Variants in KCTD8 observed in about 807,000 individuals in gnomAD.
The protein encoded by KCTD8 is BTB/POZ domain-containing protein KCTD8.
A neutral mutation model predicts 31.5 loss-of-function variants in KCTD8; 27 were observed. The observed-to-expected ratio is 0.86, with a 90% CI of 0.63 to 1.18. The LOEUF is 1.18. KCTD8 is among the 50% of genes most tolerant of loss of function. The probability of loss-of-function intolerance (pLI) is 0.00; values close to 1 mark genes in which losing one functional copy is unlikely to be tolerated. For missense variants in KCTD8, 658 were observed against 647.7 expected (o/e 1.02, Z -0.17); for synonymous variants, 290 against 280.0 (o/e 1.04, Z -0.36).
chr4:44,272,624 G>T (rs1450107506), intron 1 of KCTD8, among the ~76,000 whole-genome samples: 1 of 152,054 alleles, frequency 6.6e-6, no homozygotes, highest in Non-Finnish European at 1.5e-5. Context: ...CGTGGAGTAG[G>T]TGCATGTAGA....
rs898141232 is a variant in KCTD8, at chr4:44,383,718, G to GA, written c.961+63844dup. ...TAAGACCTGAACTATGAAACTACTG[G>GA]AAAAAAACACACACACACAAAGAAA... On this transcript the variant is annotated intron_variant, in intron 1 of 1. Transcript: ENST00000360029. 2.6e-5 allele frequency among the ~76,000 whole-genome samples: 4 copies of GA among 151,664 alleles called. No individual in the cohort carries two copies. In the East Asian group the frequency reaches 7.8e-4, roughly 29 times the overall value.
chr4:44,314,630 C>T (rs543885401), intron 1 of KCTD8, among the ~76,000 whole-genome samples: 3 of 152,104 alleles, frequency 2.0e-5, no homozygotes, highest in Admixed American at 6.6e-5. Context: ...TGGACATTTT[C>T]TATGCATATA....
intron 1 of KCTD8, among the ~76,000 whole-genome samples, chr4:44,267,584 C>T (rs922126284): frequency 6.6e-6 from 1 of 151,876 alleles, no homozygotes; most frequent in South Asian, 2.1e-4. Flanking sequence ...TAAAAACCCT[C>T]AAAAAATTAA....
chr4:44,215,574 G>A (rs1714623786), intron 1 of KCTD8, among the ~76,000 whole-genome samples: 1 of 152,082 alleles, frequency 6.6e-6, no homozygotes, highest in African/African-American at 2.4e-5. Flanking sequence ...TTAATTAGGA[G>A]GTCAATAAGT....
chr4:44,276,539 A>C (rs1201733350), intron 1 of KCTD8, among the ~76,000 whole-genome samples: 1 of 151,980 alleles, frequency 6.6e-6, no homozygotes, highest in Middle Eastern at 3.2e-3. Flanking sequence ...TAAACAGTAG[A>C]TTCCAAATAA....
chr4:44,267,570 C>T (rs1716424776), intron 1 of KCTD8, among the ~76,000 whole-genome samples: 1 of 151,896 alleles, frequency 6.6e-6, no homozygotes, highest in Non-Finnish European at 1.5e-5. Context: ...GAAATAGAGA[C>T]AAATAAAAAC....
In KCTD8 at chr4:44,204,046, G is replaced by A. The variant is rs565888588; in HGVS notation, c.962-28796C>T. 2.6e-5 allele frequency among the ~76,000 whole-genome samples: 4 copies of A among 151,986 alleles called. No individual in the cohort carries two copies. In the East Asian group the frequency reaches 7.7e-4, roughly 29 times the overall value. On this transcript the variant is annotated intron_variant, in intron 1 of 1. Coordinates refer to ENST00000360029, the MANE Select transcript of KCTD8 (RefSeq NM_198353.3). ...CTTCCAGTACAAAAAAATGAAGGCA[G>A]CTCATCATTCTGAAATATACATTAC...
chr4:44,234,345 G>C (rs1715211450), intron 1 of KCTD8, among the ~76,000 whole-genome samples: 1 of 152,172 alleles, frequency 6.6e-6, no homozygotes, highest in African/African-American at 2.4e-5. Context: ...ATCTACTCTA[G>C]AGAGTAAGGT....
At chr4:44,275,182 A>C (rs952156313) in intron 1 of KCTD8, among the ~76,000 whole-genome samples, 4 of 151,974 alleles carry the variant, frequency 2.6e-5, no homozygotes, top group African/African-American at 9.7e-5. Flanking sequence ...GGAAGATGTA[A>C]GTGCACATGT....
chr4:44,412,001 CT>C (rs1201729902), intron 1 of KCTD8, among the ~76,000 whole-genome samples: 1 of 152,132 alleles, frequency 6.6e-6, no homozygotes, highest in Non-Finnish European at 1.5e-5. Context: ...CCCTAGGAAT[CT>C]ACTACGCATG....
At chr4:44,188,688 T>C (rs1713667497) in intron 1 of KCTD8, among the ~76,000 whole-genome samples, 1 of 152,194 alleles carries the variant, frequency 6.6e-6, no homozygotes, top group African/African-American at 2.4e-5. Flanking sequence ...ATCAGTGGTA[T>C]CCTTACAAGA....
chr4:44,426,011 A>C (rs1283959630), intron 1 of KCTD8, among the ~76,000 whole-genome samples: 1 of 151,878 alleles, frequency 6.6e-6, no homozygotes, highest in East Asian at 1.9e-4. Context: ...ATAAATAACA[A>C]GAGGAATTTG....
intron 1 of KCTD8, among the ~76,000 whole-genome samples, chr4:44,415,822 G>C (rs1486126976): frequency 6.6e-6 from 1 of 152,214 alleles, no homozygotes. Context: ...TGTTACAGGG[G>C]TGAAGCACCC....
chr4:44,222,818 T>A (rs1714845074), intron 1 of KCTD8, among the ~76,000 whole-genome samples: 1 of 152,092 alleles, frequency 6.6e-6, no homozygotes, highest in South Asian at 2.1e-4. Flanking sequence ...CAAAAATACT[T>A]GGAAGCAAAA....
Position 44,175,250 on chromosome 4 carries a change from C to T in KCTD8, c.962G>A (p.Arg321Gln). ...AGGTGATACTATTTTCTGAGGTGGT[C>T]CTAAAAAGGAGGAAAAAAAAAGAAG... The part of the protein sequence containing the change: ...WSSYTEYIFF[R>Q]PPQKIVSPKQ... Residue 321 changes from arginine to glutamine, a missense_variant and splice_region_variant, in exon 2 of 2, where the codon CGA becomes CAA. By Grantham distance (43) the Arg-to-Gln change is conservative. Coordinates refer to ENST00000360029, the MANE Select transcript of KCTD8 (RefSeq NM_198353.3). 1.3e-6 allele frequency: 2 copies of T among 1,492,932 alleles called. No individual in the cohort carries two copies. Among genetic ancestry groups the T allele is most frequent in the Non-Finnish European group, 1.8e-6 (2 of 1,118,722 alleles). 92.5% of individuals were successfully genotyped at this position (1,492,932 alleles called of 1,614,324 possible). A position where few individuals can be genotyped will look rare whatever the true frequency, so the allele number is the denominator to read the frequency against.
At chr4:44,200,457 C>T (rs939990499) in intron 1 of KCTD8, among the ~76,000 whole-genome samples, 1 of 151,900 alleles carries the variant, frequency 6.6e-6, no homozygotes, top group East Asian at 1.9e-4. Flanking sequence ...AGTTAATACA[C>T]CACAATCAAG....
intron 1 of KCTD8, among the ~76,000 whole-genome samples, chr4:44,405,738 A>ATCT (rs1250782891): frequency 6.8e-6 from 1 of 146,332 alleles, no homozygotes; most frequent in Non-Finnish European, 1.5e-5. Flanking sequence ...ACTACAAAGT[A>ATCT]TCTTAATGGT....
intron 1 of KCTD8, among the ~76,000 whole-genome samples, chr4:44,376,729 G>A (rs571956031): frequency 6.6e-6 from 1 of 152,148 alleles, no homozygotes; most frequent in Non-Finnish European, 1.5e-5. Context: ...GGACTAACAG[G>A]AGTGAAAGGA....
intron 1 of KCTD8, among the ~76,000 whole-genome samples, chr4:44,241,749 G>T (rs755132147): frequency 8.5e-5 from 13 of 152,058 alleles, no homozygotes; most frequent in Non-Finnish European, 1.9e-4. Context: ...TGAATAGCAG[G>T]CACGGTTAAC....
Sources: allele counts gnomAD v4.1 joint callset (sites outside exome capture counted in the v4.1 genomes callset), GRCh38; gene constraint gnomAD v4.1.1; transcripts MANE v1.5; gene names NCBI Gene and HGNC (gene_info 2026-07-23, HGNC 2026-07-21).